Variants in GNA15 observed in about 807,000 individuals in gnomAD.
GNA15 encodes the protein guanine nucleotide-binding protein subunit alpha-15.
Under a neutral mutation model 40.1 loss-of-function variants are expected in GNA15, and 23 were observed. The ratio of observed to expected loss-of-function variants is 0.57; its 90% CI spans 0.41 to 0.81. The LOEUF (loss-of-function observed/expected upper bound fraction) is 0.81. GNA15 is among the 40% of genes least tolerant of loss of function. The pLI is 0.00. For synonymous variants in GNA15, 226 were observed against 210.4 expected, an observed-to-expected ratio of 1.07 and a Z score of -0.64; for missense variants, 522 against 515.8, an observed-to-expected ratio of 1.01 and a Z score of -0.12.
chr19:3,148,854 A>G (rs1166060558), intron 2 of GNA15, 79 bp downstream of exon 2: 4 of 1,396,950 alleles, frequency 2.9e-6, no homozygotes, highest in Non-Finnish European at 3.8e-6. Flanking sequence ...AGCAGGGCCA[A>G]GTTCCCCAGA....
At chr19:3,153,162 G>A (rs1025086348) in intron 4 of GNA15, among the ~76,000 whole-genome samples, 5 of 151,810 alleles carry the variant, frequency 3.3e-5, no homozygotes, top group South Asian at 2.1e-4. Flanking sequence ...CAGCGAGACC[G>A]AGAACCCACG....
At chr19:3,144,749 C>A (rs557819925) in intron 1 of GNA15, among the ~76,000 whole-genome samples, 5 of 150,964 alleles carry the variant, frequency 3.3e-5, no homozygotes, top group Admixed American at 1.3e-4. Flanking sequence ...AGGATGGTCT[C>A]GATCTCCTGA....
rs1914891427 is a variant in GNA15, at chr19:3,151,893, C to T, written c.614+58C>T. On this transcript the variant is annotated intron_variant, in intron 4 of 6. Transcript: ENST00000262958. This position sits in a 1 kb window ranked among gnomAD's most constrained non-coding sequence, Gnocchi z 5.0. ...CAGGGAAGGCTTCCTGTAGGAAGGG[C>T]AAAGGAGCTGGGGCCCTGAGGGATG... The T allele has an allele frequency of 4.5e-6, 6 of 1,346,052 alleles. No individual in the cohort carries two copies. Among genetic ancestry groups the T allele is most frequent in the Non-Finnish European group, 6.2e-6 (6 of 970,756 alleles). The allele number at this position is 1,346,052 out of a possible 1,614,324, so 83.4% of individuals were successfully genotyped here.
intron 4 of GNA15, among the ~76,000 whole-genome samples, chr19:3,154,518 AGATG>A (rs1339336062): frequency 2.9e-5 from 4 of 139,188 alleles, no homozygotes; most frequent in African/African-American, 1.1e-4. Context: ...GTAAATGGAG[AGATG>A]GATGGGTGGG....
intron 1 of GNA15, among the ~76,000 whole-genome samples, chr19:3,146,076 C>G (rs1310639268): frequency 6.6e-6 from 1 of 152,156 alleles, no homozygotes; most frequent in African/African-American, 2.4e-5. Context: ...CCCATTTCCT[C>G]TTTCTGGGCC....
Position 3,150,252 on chromosome 19 carries a change from G to C in GNA15, c.452G>C (p.Arg151Pro). 1 of 1,605,854 alleles carries C rather than the reference G, an allele frequency of 6.2e-7. No homozygotes were observed. The highest frequency in any genetic ancestry group is 8.5e-7 in the Non-Finnish European group (1 of 1,176,386). The change falls in exon 3 of 7, where the codon CGG (arginine) becomes CCG (proline). Residue 151 changes from arginine to proline, a missense_variant. Physicochemically the swap from Arg to Pro is moderately radical, Grantham distance 103 (BLOSUM62 -2). Transcript: ENST00000262958. ...DAGIRACYERRREFHLLDSAV... is the reference protein window; with the variant it reads ...DAGIRACYERPREFHLLDSAV... ...GGCATCCGGGCCTGCTATGAGCGTC[G>C]GCGGGAATTCCACCTGCTCGATTCA... is the stretch of plus-strand genomic sequence containing the variant.
rs1192847448 is a variant in GNA15 at position 3,163,192 on chromosome 19, C to G, written c.*173C>G. 3 of 603,224 alleles carry G rather than the reference C, an allele frequency of 5.0e-6. No individual in the cohort carries two copies. The highest frequency in any genetic ancestry group is 8.9e-6 in the Non-Finnish European group (3 of 337,490). 37.4% of individuals were successfully genotyped at this position (603,224 alleles called of 1,614,324 possible). On this transcript the variant is annotated 3_prime_UTR_variant, in exon 7 of 7. Coordinates refer to ENST00000262958, the MANE Select transcript of GNA15 (RefSeq NM_002068.4). The stretch of plus-strand genomic sequence containing the variant: ...TCTTCTCTGCCTCTCACCAGGACAG[C>G]CGCCCCCCAGGGTACTCCTGCCCTT...
Position 3,150,418 on chromosome 19 carries a change from TC to T in GNA15, c.485+135del, listed in dbSNP as rs1397496623. On this transcript the variant is annotated intron_variant, in intron 3 of 6. Transcript: ENST00000262958. ...GAGGTGGTCCTGCTCCAGGATGAGG[TC>T]CTTCCAGGGGGACCCTAATTCCCGG... is the stretch of plus-strand genomic sequence containing the variant. 20 of 784,034 alleles carry T rather than the reference TC, an allele frequency of 2.6e-5. No homozygotes were observed. In the African/African-American group the frequency reaches 2.7e-4, roughly 11 times the overall value. 48.6% of individuals were successfully genotyped at this position (784,034 alleles called of 1,614,324 possible). A position where few individuals can be genotyped will look rare whatever the true frequency, so the allele number is the denominator to read the frequency against.
Position 3,136,359 on chromosome 19 carries a change from A to G in GNA15, c.-92A>G, listed in dbSNP as rs1452929537. 1.5e-6 allele frequency: 2 copies of G among 1,328,558 alleles called. No individual in the cohort carries two copies. Among genetic ancestry groups the G allele is most frequent in the South Asian group, 1.5e-5 (1 of 67,810 alleles). The allele number at this position is 1,328,558 out of a possible 1,614,324, so 82.3% of individuals were successfully genotyped here. A position where few individuals can be genotyped will look rare whatever the true frequency, so the allele number is the denominator to read the frequency against. ...CCTCCCTGCGCACCCGGTTGCCCGG[A>G]GCCCTCTCCAGGGCCGGCTGGGCTG... On this transcript the variant is annotated 5_prime_UTR_variant, in exon 1 of 7. Transcript: ENST00000262958. This position sits in a 1 kb window ranked among gnomAD's most constrained non-coding sequence, Gnocchi z 4.9.
In GNA15 at chr19:3,136,382, C is replaced by G. The variant is rs1055275564; in HGVS notation, c.-69C>G. 2.9e-5 allele frequency: 43 copies of G among 1,486,542 alleles called. No homozygotes were observed. The highest frequency in any genetic ancestry group is 2.4e-4 in the Middle Eastern group (1 of 4,126). 92.1% of individuals were successfully genotyped at this position (1,486,542 alleles called of 1,614,324 possible). On this transcript the variant is annotated 5_prime_UTR_variant, in exon 1 of 7. Coordinates refer to ENST00000262958, the MANE Select transcript of GNA15 (RefSeq NM_002068.4). The surrounding 1 kb of genome is among the most constrained non-coding windows in gnomAD (Gnocchi z 4.9). Reference sequence around the variant, plus strand: ...GGAGCCCTCTCCAGGGCCGGCTGGGCTGGGGGTTGCCCTGGCCAGCAGGGG... The same window carrying G: ...GGAGCCCTCTCCAGGGCCGGCTGGGGTGGGGGTTGCCCTGGCCAGCAGGGG...
rs1223263388 is a variant in GNA15 at position 3,136,838 on chromosome 19, T to A, written c.145+243T>A. Among the ~76,000 whole-genome samples the A allele has an allele frequency of 6.6e-6, 1 of 152,234 alleles. No homozygotes were observed. The highest frequency in any genetic ancestry group is 1.5e-5 in the Non-Finnish European group (1 of 68,036). On this transcript the variant is annotated intron_variant, in intron 1 of 6. Transcript: ENST00000262958. The surrounding 1 kb of genome is among the most constrained non-coding windows in gnomAD (Gnocchi z 4.9). ...CAGGTGCCCAGGCCTGTCCACTGTG[T>A]GGGGCATATACAATAGCAGACGTGG...
Position 3,162,921 on chromosome 19 carries a change from TAC to T in GNA15, c.1031_1032del (p.Thr344MetfsTer55). The T allele has an allele frequency of 6.2e-7, 1 of 1,613,954 alleles. No individual in the cohort carries two copies. Among genetic ancestry groups the T allele is most frequent in the Non-Finnish European group, 8.5e-7 (1 of 1,179,886 alleles). ...GARSRRLFSH[Y>X]TCATDTQNIR... The stretch of plus-strand genomic sequence containing the variant: ...ACGATCCCGACGCCTCTTCAGCCAC[TAC>T]ACATGTGCCACAGACACACAGAACA... On this transcript the variant is annotated frameshift_variant, in exon 7 of 7. Coordinates refer to ENST00000262958, the MANE Select transcript of GNA15 (RefSeq NM_002068.4). LOFTEE classifies it high-confidence loss of function.
chr19:3,139,422 A>G (rs1217698089), intron 1 of GNA15, among the ~76,000 whole-genome samples: 2 of 151,440 alleles, frequency 1.3e-5, no homozygotes, highest in Admixed American at 1.3e-4. Flanking sequence ...CCCAGTCTCT[A>G]AAAAAAATAA....
At chr19:3,159,957 A>T (rs1420022887) in intron 6 of GNA15, among the ~76,000 whole-genome samples, 1 of 152,200 alleles carries the variant, frequency 6.6e-6, no homozygotes, top group African/African-American at 2.4e-5. Context: ...TGGGGAAGGT[A>T]CATATTCACT....
intron 1 of GNA15, among the ~76,000 whole-genome samples, chr19:3,139,136 G>T: frequency 6.6e-6 from 1 of 150,648 alleles, no homozygotes; most frequent in Non-Finnish European, 1.5e-5. Context: ...AGTAGAGATG[G>T]GGTTTCACCA....
chr19:3,149,527 C>G (rs907168853), intron 2 of GNA15: 2 of 156,458 alleles, frequency 1.3e-5, no homozygotes, highest in Non-Finnish European at 2.8e-5. Flanking sequence ...AAATCACACA[C>G]CCAGACACAC....
chr19:3,151,579 C>A lies in GNA15; in HGVS notation c.486-128C>A, dbSNP rs934164877. Reference sequence around the variant, plus strand: ...GACGCTCCTGGGCCATCTGCCAACTCCAGGGACCCCACCTCCACCCAGGGA... The same window carrying A: ...GACGCTCCTGGGCCATCTGCCAACTACAGGGACCCCACCTCCACCCAGGGA... On this transcript the variant is annotated intron_variant, in intron 3 of 6. Coordinates refer to ENST00000262958, the MANE Select transcript of GNA15 (RefSeq NM_002068.4). The surrounding 1 kb of genome is among the most constrained non-coding windows in gnomAD (Gnocchi z 5.0). The A allele has an allele frequency of 1.7e-6, 2 of 1,151,958 alleles. No individual in the cohort carries two copies. Among genetic ancestry groups the A allele is most frequent in the South Asian group, 1.8e-5 (1 of 57,038 alleles). 71.4% of individuals were successfully genotyped at this position (1,151,958 alleles called of 1,614,324 possible). A position where few individuals can be genotyped will look rare whatever the true frequency, so the allele number is the denominator to read the frequency against.
intron 5 of GNA15, among the ~76,000 whole-genome samples, chr19:3,156,420 A>AAC (rs910763571): frequency 1.6e-5 from 2 of 121,372 alleles, no homozygotes; most frequent in African/African-American, 3.6e-5. Flanking sequence ...CACACACATG[A>AAC]ACACACACAT....
At position 3,136,248 on chromosome 19, in the gene GNA15, GCCTTGC is replaced by G. The variant is rs1265213422; in HGVS notation, c.-201_-196del. 2 of 566,370 alleles carry G rather than the reference GCCTTGC, an allele frequency of 3.5e-6. No homozygotes were observed. The highest frequency in any genetic ancestry group is 6.2e-6 in the Non-Finnish European group (2 of 321,444). 35.1% of individuals were successfully genotyped at this position (566,370 alleles called of 1,614,324 possible). On this transcript the variant is annotated 5_prime_UTR_variant, in exon 1 of 7. Coordinates refer to ENST00000262958, the MANE Select transcript of GNA15 (RefSeq NM_002068.4). The surrounding 1 kb of genome is among the most constrained non-coding windows in gnomAD (Gnocchi z 4.9). Reference sequence around the variant, plus strand: ...TCCCCACCCTGTTCCCAGCACTCAAGCCTTGCCACCGCCGAGCCGGGCTTCCTGGGT... The same window carrying G: ...TCCCCACCCTGTTCCCAGCACTCAAGCACCGCCGAGCCGGGCTTCCTGGGT...
Sources: allele counts gnomAD v4.1 joint callset (sites outside exome capture counted in the v4.1 genomes callset), GRCh38; gene constraint gnomAD v4.1.1; non-coding constraint Gnocchi (gnomAD v3.1); transcripts MANE v1.5; gene names NCBI Gene and HGNC (gene_info 2026-07-23, HGNC 2026-07-21).